The following NEURL1B variants were observed in gnomAD, a reference collection of about 807,000 sequenced individuals.
NEURL1B encodes the protein E3 ubiquitin-protein ligase NEURL1B.
A neutral mutation model predicts 37.4 loss-of-function variants in NEURL1B; 13 were observed. That is an observed-to-expected ratio of 0.35 (90% CI 0.23 to 0.55). The LOEUF is 0.55. NEURL1B is among the 20% of genes least tolerant of loss of function. The probability of loss-of-function intolerance (pLI) is 0.89; values close to 1 mark genes in which losing one functional copy is unlikely to be tolerated. For missense variants in NEURL1B, 790 were observed against 879.2 expected, an observed-to-expected ratio of 0.90 and a Z score of 1.28; for synonymous variants, 432 against 426.6, an observed-to-expected ratio of 1.01 and a Z score of -0.16.
At position 172,688,531 on chromosome 5, in the gene NEURL1B, TC is replaced by T. The variant is rs1758560148; in HGVS notation, c.*1607del. The T allele has an allele frequency of 6.6e-6, 1 of 152,242 alleles. No individual in the cohort carries two copies. 9.4% of individuals were successfully genotyped at this position (152,242 alleles called of 1,614,324 possible). On this transcript the variant is annotated 3_prime_UTR_variant, in exon 5 of 5. Coordinates refer to ENST00000369800, the MANE Select transcript of NEURL1B (RefSeq NM_001142651.3). The surrounding 1 kb of genome is among the most constrained non-coding windows in gnomAD (Gnocchi z 4.3). ...AAAGCTGGGCCAGGCCTTCACCAGATCAAGCCCCACAGACCAGCTGGTGCCC... is the reference window on the plus strand; with the variant it reads ...AAAGCTGGGCCAGGCCTTCACCAGATAAGCCCCACAGACCAGCTGGTGCCC...
chr5:172,673,654 A>G (rs1366476030), intron 2 of NEURL1B, among the ~76,000 whole-genome samples: 2 of 152,106 alleles, frequency 1.3e-5, no homozygotes, highest in East Asian at 1.9e-4. Context: ...GCTGGAGTGC[A>G]GTGGCATGAA....
At chr5:172,672,118 A>G (rs1198929072) in intron 2 of NEURL1B, among the ~76,000 whole-genome samples, 1 of 152,258 alleles carries the variant, frequency 6.6e-6, no homozygotes, top group African/African-American at 2.4e-5. Flanking sequence ...TCAAGAAATA[A>G]CAGCTAAGAA....
In NEURL1B at chr5:172,686,404, G is replaced by A. The variant is rs61740386; in HGVS notation, c.1423+108G>A. 2,210 of 1,191,406 alleles carry A rather than the reference G, an allele frequency of 1.9e-3. 4 individuals are homozygous for A. Among genetic ancestry groups the A allele is most frequent in the Non-Finnish European group, 2.4e-3 (2,032 of 845,460 alleles). 73.8% of individuals were successfully genotyped at this position (1,191,406 alleles called of 1,614,324 possible). ...TGAGCAGGGTGGCCGCCTTTCCCCCGCATCCTCTCCTTCCCTCAGCTGTAT... is the reference window on the plus strand; with the variant it reads ...TGAGCAGGGTGGCCGCCTTTCCCCCACATCCTCTCCTTCCCTCAGCTGTAT... On this transcript the variant is annotated intron_variant, in intron 4 of 4. Coordinates refer to ENST00000369800, the MANE Select transcript of NEURL1B (RefSeq NM_001142651.3). The surrounding 1 kb of genome is among the most constrained non-coding windows in gnomAD (Gnocchi z 7.9).
intron 1 of NEURL1B, among the ~76,000 whole-genome samples, chr5:172,645,963 A>C (rs560898739): frequency 6.6e-6 from 1 of 152,352 alleles, no homozygotes; most frequent in African/African-American, 2.4e-5. Context: ...ATGACATAGA[A>C]TTTTAAAAAT....
chr5:172,646,803 G>A (rs1446829829), intron 1 of NEURL1B, among the ~76,000 whole-genome samples: 1 of 152,108 alleles, frequency 6.6e-6, no homozygotes, highest in Non-Finnish European at 1.5e-5. Flanking sequence ...GCTAGGAGAA[G>A]GGAGTGAGAA....
In NEURL1B at chr5:172,686,818, A is replaced by C. The variant is rs1362510900; in HGVS notation, c.1561A>C (p.Met521Leu). The change falls in exon 5 of 5, where the codon ATG becomes CTG. Residue 521 changes from methionine (M) to leucine (L), a missense_variant. By Grantham distance (15) the Met-to-Leu change is conservative. Around this residue, in one of 3 missense-constraint regions of NEURL1B, gnomAD observed 115 missense variants for 162.6 expected, o/e 0.71. Transcript: ENST00000369800. The surrounding 1 kb of genome is among the most constrained non-coding windows in gnomAD (Gnocchi z 7.9). ...CACGGTCATCTACACGTGTGGACAC[A>C]TGTGCCTGTGCCACAGCTGCGGCCT... is the stretch of plus-strand genomic sequence containing the variant. Reference protein sequence around the residue: ...VDTVIYTCGHMCLCHSCGLRL... With the variant: ...VDTVIYTCGHLCLCHSCGLRL... The C allele has an allele frequency of 2.6e-6, 4 of 1,551,700 alleles. No individual in the cohort carries two copies. Among genetic ancestry groups the C allele is most frequent in the East Asian group, 2.4e-5 (1 of 40,922 alleles).
Position 172,641,724 on chromosome 5 carries a change from C to G in NEURL1B, c.31+287C>G, listed in dbSNP as rs1757465029. On this transcript the variant is annotated intron_variant, in intron 1 of 4. Coordinates refer to ENST00000369800, the MANE Select transcript of NEURL1B (RefSeq NM_001142651.3). The surrounding 1 kb of genome is among the most constrained non-coding windows in gnomAD (Gnocchi z 6.4). ...GCCGCTGGGGCGATGCCGCGCGCCC[C>G]CTCGCCTTTGTTCCAGCCCGAGGGC... 1.3e-5 allele frequency among the ~76,000 whole-genome samples: 2 copies of G among 152,254 alleles called. No homozygotes were observed. Among genetic ancestry groups the G allele is most frequent in the Admixed American group, 1.3e-4 (2 of 15,294 alleles).
At chr5:172,656,784 T>C in intron 1 of NEURL1B, 2 of 692,370 alleles carry the variant, frequency 2.9e-6, no homozygotes, top group Non-Finnish European at 5.1e-6. Flanking sequence ...CACTGACATA[T>C]TAATTCTTTG....
Position 172,691,017 on chromosome 5 carries a change from G to A in NEURL1B, c.*4092G>A, listed in dbSNP as rs1758643550. The A allele has an allele frequency of 6.6e-6, 1 of 152,128 alleles. No homozygotes were observed. The highest frequency in any genetic ancestry group is 2.1e-4 in the South Asian group (1 of 4,816). 9.4% of individuals were successfully genotyped at this position (152,128 alleles called of 1,614,324 possible). On this transcript the variant is annotated 3_prime_UTR_variant, in exon 5 of 5. Transcript: ENST00000369800. ...AGGGGGCACCGGCTCAGGAACATGCGGCCTCCTGGCATTTCTCGGTATTTA... is the reference window on the plus strand; with the variant it reads ...AGGGGGCACCGGCTCAGGAACATGCAGCCTCCTGGCATTTCTCGGTATTTA...
At chr5:172,684,220 C>T in intron 3 of NEURL1B, 82 bp downstream of exon 3, 1 of 1,113,338 alleles carries the variant, frequency 9.0e-7, no homozygotes, top group East Asian at 3.7e-5. Flanking sequence ...CTTCCCCGGC[C>T]CCGCCCCTCT....
intron 2 of NEURL1B, among the ~76,000 whole-genome samples, chr5:172,677,442 G>A (rs1266385745): frequency 6.6e-6 from 1 of 152,166 alleles, no homozygotes; most frequent in Non-Finnish European, 1.5e-5. Flanking sequence ...GATGGGATGA[G>A]GGTCCCCACT....
At chr5:172,648,602 G>T (rs1444488217) in intron 1 of NEURL1B, among the ~76,000 whole-genome samples, 1 of 152,230 alleles carries the variant, frequency 6.6e-6, no homozygotes, top group Non-Finnish European at 1.5e-5. Flanking sequence ...TAGAGGGAAG[G>T]AACGTCAGTG....
chr5:172,683,877 G>C lies in NEURL1B; in HGVS notation c.1036G>C (p.Asp346His). Residue 346 changes from aspartate to histidine, a missense_variant, in exon 3 of 5, where the codon GAC becomes CAC. Physicochemically the swap from Asp to His is moderately conservative, Grantham distance 81. Transcript: ENST00000369800. This position sits in a 1 kb window ranked among gnomAD's most constrained non-coding sequence, Gnocchi z 5.6. ...GALAFGITSCDPGVLRPNELP... is the reference protein window; with the variant it reads ...GALAFGITSCHPGVLRPNELP... The stretch of plus-strand genomic sequence containing the variant: ...GCTGGCCTTCGGCATCACGTCGTGC[G>C]ACCCGGGCGTGCTACGGCCCAACGA... 1.4e-6 allele frequency: 2 copies of C among 1,398,476 alleles called. No individual in the cohort carries two copies. The highest frequency in any genetic ancestry group is 1.9e-6 in the Non-Finnish European group (2 of 1,070,872). 86.6% of individuals were successfully genotyped at this position (1,398,476 alleles called of 1,614,324 possible). A position where few individuals can be genotyped will look rare whatever the true frequency, so the allele number is the denominator to read the frequency against.
At position 172,641,634 on chromosome 5, in the gene NEURL1B, G is replaced by A. The variant is rs1341362640; in HGVS notation, c.31+197G>A. Among the ~76,000 whole-genome samples the A allele has an allele frequency of 1.3e-5, 2 of 152,024 alleles. No individual in the cohort carries two copies. The highest frequency in any genetic ancestry group is 4.8e-5 in the African/African-American group (2 of 41,384). ...TTTGCGCCCCGGGAGGGCGGGTACC[G>A]CGTCCTGGTTACCTTGGGGACCCCA... is the stretch of plus-strand genomic sequence containing the variant. On this transcript the variant is annotated intron_variant, in intron 1 of 4. Transcript: ENST00000369800. This position sits in a 1 kb window ranked among gnomAD's most constrained non-coding sequence, Gnocchi z 6.4.
chr5:172,680,421 G>GT (rs989291796), intron 2 of NEURL1B, among the ~76,000 whole-genome samples: 1 of 152,086 alleles, frequency 6.6e-6, no homozygotes, highest in Non-Finnish European at 1.5e-5. Context: ...AGAGTTGGCG[G>GT]GGGGGAAGGA....
At position 172,650,323 on chromosome 5, in the gene NEURL1B, C is replaced by T. The variant is rs182274292; in HGVS notation, c.31+8886C>T. On this transcript the variant is annotated intron_variant, in intron 1 of 4. Coordinates refer to ENST00000369800, the MANE Select transcript of NEURL1B (RefSeq NM_001142651.3). ...GCAGGAGATGGCAGAGTGGAATTTC[C>T]ATGTCTCTGCAGGAACTTCAGCCCT... Among the ~76,000 whole-genome samples, 13 of 152,232 alleles carry T rather than the reference C, an allele frequency of 8.5e-5. No individual in the cohort carries two copies. The East Asian group carries it at 2.1e-3, about 25-fold the overall frequency.
In NEURL1B at chr5:172,648,943, C is replaced by G. The variant is rs145701818; in HGVS notation, c.31+7506C>G. The stretch of plus-strand genomic sequence containing the variant: ...CCTGAGGGCTTTCTGGGCAGCAAAT[C>G]AAAGGCCATGCCATCCCCAGGGAAG... On this transcript the variant is annotated intron_variant, in intron 1 of 4. Coordinates refer to ENST00000369800, the MANE Select transcript of NEURL1B (RefSeq NM_001142651.3). 4.7e-4 allele frequency among the ~76,000 whole-genome samples: 71 copies of G among 152,312 alleles called. 2 individuals carry two copies. In the East Asian group the frequency reaches 0.013, roughly 29 times the overall value.
rs62386678 is a variant in NEURL1B, at chr5:172,675,031, G to A, written c.577+4701G>A. Among the ~76,000 whole-genome samples, 29,696 of 151,894 alleles carry A rather than the reference G, an allele frequency of 0.2. 3,865 individuals carry two copies. The highest frequency in any genetic ancestry group is 0.38 in the African/African-American group (15,543 of 41,374). ...ATGACAGGCGCCTGCCACCACGCCC[G>A]GCTAATTTTTGTATTTTTAGTAAAG... On this transcript the variant is annotated intron_variant, in intron 2 of 4. Transcript: ENST00000369800. This position sits in a 1 kb window ranked among gnomAD's most constrained non-coding sequence, Gnocchi z 4.7.
Position 172,686,585 on chromosome 5 carries a change from G to C in NEURL1B, c.1424-96G>C. ...TATCTCCCAAAAGTATTCTCCCACC[G>C]GTCCCAGCAAGAAGCCCTGCATTCT... is the stretch of plus-strand genomic sequence containing the variant. On this transcript the variant is annotated intron_variant, in intron 4 of 4. Coordinates refer to ENST00000369800, the MANE Select transcript of NEURL1B (RefSeq NM_001142651.3). This position sits in a 1 kb window ranked among gnomAD's most constrained non-coding sequence, Gnocchi z 7.9. 7.3e-7 allele frequency: 1 copy of C among 1,362,546 alleles called. No homozygotes were observed. Among genetic ancestry groups the C allele is most frequent in the South Asian group, 1.4e-5 (1 of 72,558 alleles). The allele number at this position is 1,362,546 out of a possible 1,614,324, so 84.4% of individuals were successfully genotyped here.
Sources: gnomAD v4.1 joint callset for allele counts (sites outside exome capture counted in the v4.1 genomes callset) on GRCh38, gnomAD v4.1.1 for gene constraint, gnomAD v4.1.1 regional missense constraint, Gnocchi (gnomAD v3.1) non-coding constraint, MANE v1.5 for transcripts, NCBI Gene and HGNC (gene_info 2026-07-23, HGNC 2026-07-21) for gene names.